CLNK: variants seen among roughly 807,000 people sequenced by gnomAD.
CLNK encodes cytokine dependent hematopoietic cell linker.
In CLNK, 74 loss-of-function variants were observed where a neutral mutation model predicts 68.6. The ratio of observed to expected loss-of-function variants is 1.08; its 90% CI spans 0.89 to 1.31. CLNK has a LOEUF of 1.31. CLNK is among the 50% of genes most tolerant of loss of function. CLNK has a pLI of 0.00. For synonymous variants in CLNK, 198 were observed against 172.2 expected (o/e 1.15, Z -1.17); for missense variants, 553 against 515.3 (o/e 1.07, Z -0.71).
Position 10,486,657 on chromosome 4 carries a change from TA to T in CLNK, c.*3809del, listed in dbSNP as rs987936062. 6.6e-6 allele frequency: 1 copy of T among 151,988 alleles called. No individual in the cohort carries two copies. Among genetic ancestry groups the T allele is most frequent in the Non-Finnish European group, 1.5e-5 (1 of 67,998 alleles). 9.4% of individuals were successfully genotyped at this position (151,988 alleles called of 1,614,324 possible). ...TGATTACAGCCATGATGCGGTTACT[TA>T]AAAACACACACACACACACGCACAC... On this transcript the variant is annotated 3_prime_UTR_variant, in exon 19 of 19. Transcript: ENST00000226951.
intron 2 of CLNK, among the ~76,000 whole-genome samples, chr4:10,635,521 T>C (rs558410618): frequency 6.6e-6 from 1 of 152,124 alleles, no homozygotes; most frequent in African/African-American, 2.4e-5. Context: ...CTCCACCATC[T>C]GTGCTGGATG....
chr4:10,513,030 G>A (rs976249449), intron 16 of CLNK, among the ~76,000 whole-genome samples: 3 of 152,054 alleles, frequency 2.0e-5, no homozygotes, highest in African/African-American at 7.3e-5. Context: ...ACATTGTCTG[G>A]CACATAATAA....
intron 2 of CLNK, among the ~76,000 whole-genome samples, chr4:10,654,639 T>C (rs957754558): frequency 4.0e-5 from 6 of 151,464 alleles, no homozygotes; most frequent in South Asian, 2.1e-4. Flanking sequence ...GATGATATAA[T>C]TATCTATATA....
In CLNK at chr4:10,501,250, A is replaced by G. The variant is rs781043639; in HGVS notation, c.1140+6T>C. ...TGGAACAGGGAGGCTGTTAAGTTATACCCACCTCATCTCCTCTGAGTCCTG... is the reference window on the plus strand; with the variant it reads ...TGGAACAGGGAGGCTGTTAAGTTATGCCCACCTCATCTCCTCTGAGTCCTG... On this transcript the variant is annotated splice_donor_region_variant and intron_variant, in intron 18 of 18. Transcript: ENST00000226951. 1 of 1,563,144 alleles carries G rather than the reference A, an allele frequency of 6.4e-7. No homozygotes were observed. Among genetic ancestry groups the G allele is most frequent in the Non-Finnish European group, 8.6e-7 (1 of 1,163,110 alleles).
rs1455728285 is a variant in CLNK, at chr4:10,507,968, C to T, written c.975G>A (p.Lys325=). ...ACGTAGAAGGCATTACCTTGTTCTC[C>T]TTCATGAATGCCTCTTCCACTGCCT... ...SRQAVEEAFM[K]ENKDGSFLVR... Residue 325 remains lysine, a synonymous_variant, in exon 17 of 19, where the codon AAG becomes AAA. Transcript: ENST00000226951. 3 of 1,606,566 alleles carry T rather than the reference C, an allele frequency of 1.9e-6. No homozygotes were observed. The highest frequency in any genetic ancestry group is 2.6e-6 in the Non-Finnish European group (3 of 1,176,226).
chr4:10,515,959 T>G (rs1463219583), intron 15 of CLNK, among the ~76,000 whole-genome samples: 1 of 152,188 alleles, frequency 6.6e-6, no homozygotes, highest in Non-Finnish European at 1.5e-5. Flanking sequence ...CACCTAAGCT[T>G]TAAGATGCTA....
At chr4:10,713,441 C>A in the CLNK span, among the ~76,000 whole-genome samples, 1 of 152,080 alleles carries the variant, frequency 6.6e-6, no homozygotes, top group Non-Finnish European at 1.5e-5. Context: ...GGGGAACAAC[C>A]TCAGCCAAAA....
intron 3 of CLNK, among the ~76,000 whole-genome samples, chr4:10,587,961 T>C (rs1230090144): frequency 1.3e-5 from 2 of 152,198 alleles, no homozygotes; most frequent in East Asian, 3.9e-4. Context: ...GTAAATCAGC[T>C]GGTGAGGAGC....
the CLNK span, among the ~76,000 whole-genome samples, chr4:10,699,512 A>AAATATATTTTTTTT: frequency 3.1e-5 from 1 of 32,748 alleles, no homozygotes; most frequent in Admixed American, 4.8e-4. Flanking sequence ...ATATATATAT[A>AAATATATTTTTTTT]TTTTTTTTTT....
chr4:10,588,278 G>A (rs972064699), intron 3 of CLNK, among the ~76,000 whole-genome samples: 1 of 152,168 alleles, frequency 6.6e-6, no homozygotes, highest in Non-Finnish European at 1.5e-5. Context: ...CTAAATTAGG[G>A]TTCTTGTTAT....
chr4:10,580,394 C>T (rs558680914), intron 4 of CLNK, among the ~76,000 whole-genome samples: 4 of 152,220 alleles, frequency 2.6e-5, no homozygotes, highest in Admixed American at 6.5e-5. Flanking sequence ...TAAAGCATCC[C>T]GCTACTGATT....
At chr4:10,625,663 CAGAG>C (rs772072477) in intron 2 of CLNK, among the ~76,000 whole-genome samples, 7 of 151,644 alleles carry the variant, frequency 4.6e-5, no homozygotes, top group Non-Finnish European at 5.9e-5. Flanking sequence ...GAAAGAGAGA[CAGAG>C]AGAGAGCAAC....
rs184746819 is a variant in CLNK, at chr4:10,655,695, G to A, written c.11+12164C>T. Among the ~76,000 whole-genome samples the A allele has an allele frequency of 4.1e-3, 563 of 138,548 alleles. 5 individuals are homozygous for A. Among genetic ancestry groups the A allele is most frequent in the African/African-American group, 0.014 (509 of 36,298 alleles). The allele number at this position is 138,548 out of a possible 152,430, so 90.9% of individuals were successfully genotyped here. ...GACAGAGTCTTGCCCTGTTGCCCAGGCTGGAGTGCAGTGGTGCGATCTCGG... is the reference window on the plus strand; with the variant it reads ...GACAGAGTCTTGCCCTGTTGCCCAGACTGGAGTGCAGTGGTGCGATCTCGG... On this transcript the variant is annotated intron_variant, in intron 2 of 18. Coordinates refer to ENST00000226951, the MANE Select transcript of CLNK (RefSeq NM_052964.4).
At chr4:10,542,231 A>T in intron 9 of CLNK, 24 bp downstream of exon 9, 3 of 1,446,926 alleles carry the variant, frequency 2.1e-6, no homozygotes, top group Non-Finnish European at 2.9e-6. Context: ...TGAATAACAA[A>T]TGCATTTTAT....
At chr4:10,599,242 A>G (rs1721496661) in intron 2 of CLNK, among the ~76,000 whole-genome samples, 1 of 152,120 alleles carries the variant, frequency 6.6e-6, no homozygotes, top group Admixed American at 6.5e-5. Context: ...ACACTCACAC[A>G]TGTACACAAA....
intron 2 of CLNK, among the ~76,000 whole-genome samples, chr4:10,664,450 G>GA (rs1724315536): frequency 1.3e-5 from 2 of 152,148 alleles, no homozygotes; most frequent in Admixed American, 1.3e-4. Flanking sequence ...GGTGATGGGG[G>GA]GCACACATTT....
rs188971431 is a variant in CLNK, at chr4:10,638,543, G to A, written c.11+29316C>T. 3.0e-3 allele frequency among the ~76,000 whole-genome samples: 459 copies of A among 152,332 alleles called. 1 individual carries two copies. The highest frequency in any genetic ancestry group is 5.2e-3 in the Non-Finnish European group (356 of 68,036). Reference sequence around the variant, plus strand: ...ATATAGACTCTGTGAACTTGAAAATGTGTGTGACAGTGGTATATTAATTGT... The same window carrying A: ...ATATAGACTCTGTGAACTTGAAAATATGTGTGACAGTGGTATATTAATTGT... On this transcript the variant is annotated intron_variant, in intron 2 of 18. Coordinates refer to ENST00000226951, the MANE Select transcript of CLNK (RefSeq NM_052964.4).
chr4:10,529,445 T>C (rs1443494025), intron 12 of CLNK, among the ~76,000 whole-genome samples: 1 of 152,206 alleles, frequency 6.6e-6, no homozygotes, highest in East Asian at 1.9e-4. Context: ...AGTTGCTTCA[T>C]AGATAAGAAA....
rs979994214 is a variant in CLNK, at chr4:10,487,149, G to A, written c.*3318C>T. 3 of 152,148 alleles carry A rather than the reference G, an allele frequency of 2.0e-5. No individual in the cohort carries two copies. The highest frequency in any genetic ancestry group is 2.9e-5 in the Non-Finnish European group (2 of 68,036). The allele number at this position is 152,148 out of a possible 1,614,324, so 9.4% of individuals were successfully genotyped here. A position where few individuals can be genotyped will look rare whatever the true frequency, so the allele number is the denominator to read the frequency against. ...ATCAAGTGATACTTTTAAACTAAAC[G>A]TGAGGTAATGGTTGAAAAGGGATTA... is the stretch of plus-strand genomic sequence containing the variant. On this transcript the variant is annotated 3_prime_UTR_variant, in exon 19 of 19. Coordinates refer to ENST00000226951, the MANE Select transcript of CLNK (RefSeq NM_052964.4).
Sources: gnomAD v4.1 joint callset for allele counts (sites outside exome capture counted in the v4.1 genomes callset) on GRCh38, gnomAD v4.1.1 for gene constraint, MANE v1.5 for transcripts, NCBI Gene and HGNC (gene_info 2026-07-23, HGNC 2026-07-21) for gene names.